The following SNRPA1 variants were observed in gnomAD, a reference collection of about 807,000 sequenced individuals.
SNRPA1 encodes U2 small nuclear ribonucleoprotein A'.
SNRPA1 carries 5 observed loss-of-function variants against 32.3 expected under a neutral mutation model. The observed-to-expected ratio is 0.15, with a 90% CI of 0.08 to 0.33. The LOEUF (loss-of-function observed/expected upper bound fraction) is 0.33, where lower values mean the gene tolerates loss of function less well. SNRPA1 is among the 10% of genes least tolerant of loss of function. SNRPA1 has a pLI of 1.00. For missense variants in SNRPA1, 198 were observed against 311.1 expected (o/e 0.64, Z 2.74); for synonymous variants, 111 against 120.1 (o/e 0.92, Z 0.50).
chr15:101,286,236 C>T lies in SNRPA1; in HGVS notation c.517G>A (p.Asp173Asn), dbSNP rs1427468833. 6.2e-7 allele frequency: 1 copy of T among 1,614,110 alleles called. No individual in the cohort carries two copies. The highest frequency in any genetic ancestry group is 8.5e-7 in the Non-Finnish European group (1 of 1,179,998). Residue 173 changes from aspartate (D) to asparagine (N), a missense_variant, in exon 6 of 9, where the codon GAT becomes AAT. Physicochemically the swap from Asp to Asn is conservative, Grantham distance 23. This residue lies in a region of SNRPA1 where 77 missense variants were observed against 120.1 expected (regional missense o/e 0.64). Transcript: ENST00000254193. ...KGKRGAQLAKDIARRSKTFNP... is the reference protein window; with the variant it reads ...KGKRGAQLAKNIARRSKTFNP... Reference sequence around the variant, plus strand: ...TACGTTTTGCTTCTCCTGGCAATATCCTTTGCAAGCTGTGCACCCCGTTTG... The same window carrying T: ...TACGTTTTGCTTCTCCTGGCAATATTCTTTGCAAGCTGTGCACCCCGTTTG...
intron 1 of SNRPA1, 113 bp from the exon 2 acceptor site, chr15:101,293,285 A>G (rs2039548129): frequency 8.6e-6 from 6 of 700,700 alleles, no homozygotes; most frequent in Non-Finnish European, 1.4e-5. Context: ...TTATTCAGGA[A>G]GTATTACCTA....
At chr15:101,287,744 G>A (rs542108464) in intron 3 of SNRPA1, 42 bp from the exon 4 acceptor site, 22 of 1,569,564 alleles carry the variant, frequency 1.4e-5, no homozygotes, top group Admixed American at 3.4e-5. Context: ...AATACCACAC[G>A]CTATTTTGAG....
intron 8 of SNRPA1, among the ~76,000 whole-genome samples, chr15:101,284,037 C>A (rs377409550): frequency 6.6e-6 from 1 of 152,256 alleles, no homozygotes; most frequent in Non-Finnish European, 1.5e-5. Flanking sequence ...TGGCTGTCCC[C>A]AGTTACATTC....
chr15:101,291,775 T>C (rs924651332), intron 3 of SNRPA1, among the ~76,000 whole-genome samples, 187 bp downstream of exon 3: 25 of 152,126 alleles, frequency 1.6e-4, no homozygotes, highest in African/African-American at 5.8e-4. Context: ...AAGTCAAAAG[T>C]CAAGTAAAAG....
chr15:101,291,508 G>A (rs994299143), intron 3 of SNRPA1, among the ~76,000 whole-genome samples: 4 of 138,692 alleles, frequency 2.9e-5, no homozygotes, highest in African/African-American at 1.2e-4. Context: ...AAAAATTACT[G>A]AGATAGTTTA....
chr15:101,287,082 C>T, intron 4 of SNRPA1, 72 bp from the exon 5 acceptor site: 1 of 673,836 alleles, frequency 1.5e-6, no homozygotes, highest in Middle Eastern at 4.2e-4. Flanking sequence ...TTTGAATAGT[C>T]TAAGGAACCT....
chr15:101,287,332 C>A (rs960279944), intron 4 of SNRPA1, among the ~76,000 whole-genome samples: 2 of 152,120 alleles, frequency 1.3e-5, no homozygotes, highest in African/African-American at 4.8e-5. Flanking sequence ...TTTCCCTCCC[C>A]CCTTTCCCCA....
chr15:101,291,973 G>A lies in SNRPA1; in HGVS notation c.298C>T (p.Leu100Phe). The A allele has an allele frequency of 1.2e-6, 2 of 1,609,832 alleles. No homozygotes were observed. The highest frequency in any genetic ancestry group is 1.7e-6 in the Non-Finnish European group (2 of 1,176,574). Residue 100 changes from leucine (L) to phenylalanine (F), a missense_variant, in exon 3 of 9, where the codon CTC becomes TTC. Around this residue, in one of 3 missense-constraint regions of SNRPA1, gnomAD observed 119 missense variants for 171.6 expected, o/e 0.69. Transcript: ENST00000254193. Reference sequence around the variant, plus strand: ...TCTGTGCAACTTACCAGTTCCACGAGACTATTATTGGTGAGAATGAGTTCT... The same window carrying A: ...TCTGTGCAACTTACCAGTTCCACGAAACTATTATTGGTGAGAATGAGTTCT... ...LTELILTNNS[L>F]VELGDLDPLA...
Position 101,287,760 on chromosome 15 carries a change from G to C in SNRPA1, c.310-58C>G. 2.0e-6 allele frequency: 3 copies of C among 1,483,254 alleles called. No individual in the cohort carries two copies. The South Asian group carries it at 3.4e-5, about 17-fold the overall frequency. 91.9% of individuals were successfully genotyped at this position (1,483,254 alleles called of 1,614,324 possible). On this transcript the variant is annotated intron_variant, in intron 3 of 8. Coordinates refer to ENST00000254193, the MANE Select transcript of SNRPA1 (RefSeq NM_003090.4). ...ATACCACACGCTATTTTGAGATTCTGAAATGGAGAGTGCTTTTGAAGCAAG... is the reference window on the plus strand; with the variant it reads ...ATACCACACGCTATTTTGAGATTCTCAAATGGAGAGTGCTTTTGAAGCAAG...
chr15:101,286,805 T>C, intron 5 of SNRPA1, 103 bp downstream of exon 5: 1 of 631,366 alleles, frequency 1.6e-6, no homozygotes, highest in South Asian at 2.1e-5. Context: ...TACAAACTAA[T>C]GGTAAAATTT....
At chr15:101,287,904 A>G (rs983113094) in intron 3 of SNRPA1, 3 of 537,470 alleles carry the variant, frequency 5.6e-6, no homozygotes, top group African/African-American at 3.8e-5. Flanking sequence ...AAATCTTGGC[A>G]TTAACAGCTT....
chr15:101,286,006 C>G, intron 6 of SNRPA1: 1 of 630,720 alleles, frequency 1.6e-6, no homozygotes, highest in Non-Finnish European at 2.8e-6. Context: ...CACATGAAGA[C>G]TGACTACTGA....
chr15:101,281,686 T>G lies in SNRPA1; in HGVS notation c.*38A>C. On this transcript the variant is annotated 3_prime_UTR_variant, in exon 9 of 9. Transcript: ENST00000254193. ...TACCATGTTCGAAAAGCAAGACTTGTTCCAAGAGGGCCTATTATTATACAT... is the reference window on the plus strand; with the variant it reads ...TACCATGTTCGAAAAGCAAGACTTGGTCCAAGAGGGCCTATTATTATACAT... The G allele has an allele frequency of 6.7e-7, 1 of 1,495,742 alleles. No homozygotes were observed. Among genetic ancestry groups the G allele is most frequent in the Non-Finnish European group, 9.3e-7 (1 of 1,072,048 alleles). The allele number at this position is 1,495,742 out of a possible 1,614,324, so 92.7% of individuals were successfully genotyped here.
intron 5 of SNRPA1, chr15:101,286,625 G>A: frequency 4.4e-6 from 2 of 457,154 alleles, no homozygotes; most frequent in South Asian, 6.2e-5. Flanking sequence ...TTCTCCGCTG[G>A]GAACGTATCT....
intron 6 of SNRPA1, 100 bp from the exon 7 acceptor site, chr15:101,285,901 T>C (rs2039450007): frequency 1.2e-6 from 1 of 859,920 alleles, no homozygotes; most frequent in Non-Finnish European, 1.9e-6. Context: ...CAGTGTAGTA[T>C]CTTATCTTTG....
intron 5 of SNRPA1, 132 bp from the exon 6 acceptor site, chr15:101,286,425 A>C: frequency 3.0e-6 from 2 of 663,190 alleles, no homozygotes; most frequent in Non-Finnish European, 2.5e-6. Context: ...AAGCAATTTC[A>C]AATTAAGAGA....
intron 1 of SNRPA1, 148 bp downstream of exon 1, chr15:101,294,949 C>T (rs1259525128): frequency 4.0e-6 from 2 of 500,086 alleles, no homozygotes; most frequent in Non-Finnish European, 7.0e-6. Flanking sequence ...CGGCAAGAAT[C>T]AGGCCCGGCG....
chr15:101,291,769 CAA>C (rs1458383761), intron 3 of SNRPA1, among the ~76,000 whole-genome samples, 191 bp downstream of exon 3: 1 of 152,056 alleles, frequency 6.6e-6, no homozygotes, highest in Admixed American at 6.5e-5. Flanking sequence ...CATCCTAAGT[CAA>C]AAGTCAAGTA....
chr15:101,288,850 G>C (rs932254925), intron 3 of SNRPA1, among the ~76,000 whole-genome samples: 1 of 152,214 alleles, frequency 6.6e-6, no homozygotes. Flanking sequence ...GACTACAGGG[G>C]TCTGTGATAA....
Sources: gnomAD v4.1 joint callset for allele counts (sites outside exome capture counted in the v4.1 genomes callset) on GRCh38, gnomAD v4.1.1 for gene constraint, gnomAD v4.1.1 regional missense constraint, MANE v1.5 for transcripts, NCBI Gene and HGNC (gene_info 2026-07-23, HGNC 2026-07-21) for gene names.